The following R3HDM1 variants were observed in gnomAD, a reference collection of about 807,000 sequenced individuals.
The protein encoded by R3HDM1 is R3H domain-containing protein 1.
A neutral mutation model predicts 141.1 loss-of-function variants in R3HDM1; 46 were observed. The observed-to-expected ratio is 0.33, with a 90% CI of 0.26 to 0.42. The LOEUF (loss-of-function observed/expected upper bound fraction) is 0.42. Ranked by LOEUF, R3HDM1 falls within the 10% of genes least tolerant of loss-of-function variation. R3HDM1 has a pLI of 1.00. For synonymous variants in R3HDM1, 435 were observed against 472.9 expected, an observed-to-expected ratio of 0.92 and a Z score of 1.04; for missense variants, 1,184 against 1,368.3, an observed-to-expected ratio of 0.87 and a Z score of 2.12.
intron 16 of R3HDM1, among the ~76,000 whole-genome samples, chr2:135,647,445 A>G (rs1401471487): frequency 6.6e-6 from 1 of 152,240 alleles, no homozygotes; most frequent in East Asian, 1.9e-4. Flanking sequence ...CTGTGATTAT[A>G]TATTTCAGAT....
At chr2:135,544,990 A>G (rs1698390274) in intron 1 of R3HDM1, among the ~76,000 whole-genome samples, 1 of 152,212 alleles carries the variant, frequency 6.6e-6, no homozygotes, top group African/African-American at 2.4e-5. Context: ...GTGCTTTAGC[A>G]TGTATTTTCC....
chr2:135,541,151 TC>T (rs1445472788), intron 1 of R3HDM1, among the ~76,000 whole-genome samples: 2 of 152,292 alleles, frequency 1.3e-5, no homozygotes, highest in East Asian at 3.9e-4. Context: ...CCTAGGATTT[TC>T]AGAAGGTTAA....
intron 19 of R3HDM1, chr2:135,669,213 A>C: frequency 1.0e-6 from 1 of 985,418 alleles, no homozygotes; most frequent in Non-Finnish European, 1.2e-6. Context: ...CGGGTAGTGG[A>C]CAAACCAAGG....
chr2:135,708,292 G>A (rs542891165), intron 21 of R3HDM1, among the ~76,000 whole-genome samples: 53 of 152,036 alleles, frequency 3.5e-4, no homozygotes, highest in African/African-American at 1.0e-3. Context: ...CTTCTGCCCC[G>A]CAAATATTGC....
chr2:135,542,152 A>G (rs1051056054), intron 1 of R3HDM1, among the ~76,000 whole-genome samples: 8 of 152,210 alleles, frequency 5.3e-5, no homozygotes, highest in Admixed American at 3.3e-4. Context: ...GGAATTTTCT[A>G]CTTGTATTGT....
chr2:135,544,179 G>A (rs867055926), intron 1 of R3HDM1, among the ~76,000 whole-genome samples: 5 of 152,180 alleles, frequency 3.3e-5, no homozygotes, highest in Middle Eastern at 3.2e-3. Flanking sequence ...TCGACCTCTC[G>A]CTATAGGATT....
intron 7 of R3HDM1, among the ~76,000 whole-genome samples, chr2:135,624,734 A>G (rs1316865842): frequency 6.6e-6 from 1 of 152,236 alleles, no homozygotes; most frequent in African/African-American, 2.4e-5. Context: ...TGGAAAGATT[A>G]CTTTGGTGTT....
chr2:135,546,943 A>G (rs1006661468), intron 1 of R3HDM1, among the ~76,000 whole-genome samples: 2 of 152,190 alleles, frequency 1.3e-5, no homozygotes, highest in Non-Finnish European at 2.9e-5. Context: ...AAATGTTGGG[A>G]TTACAGCCAT....
chr2:135,620,756 G>A, intron 5 of R3HDM1: 1 of 661,122 alleles, frequency 1.5e-6, no homozygotes, highest in Non-Finnish European at 1.9e-6. Flanking sequence ...TGCCTTTTCT[G>A]TGTGGATTAA....
chr2:135,558,962 A>T (rs1294988780), intron 1 of R3HDM1: 2 of 939,526 alleles, frequency 2.1e-6, no homozygotes, highest in Non-Finnish European at 2.5e-6. Context: ...TTAAAGGGTT[A>T]CTACTTTTTA....
Position 135,621,476 on chromosome 2 carries a change from G to A in R3HDM1, c.304-18G>A, listed in dbSNP as rs758943380. The A allele has an allele frequency of 6.9e-7, 1 of 1,452,016 alleles. No homozygotes were observed. Among genetic ancestry groups the A allele is most frequent in the East Asian group, 2.3e-5 (1 of 43,570 alleles). 89.9% of individuals were successfully genotyped at this position (1,452,016 alleles called of 1,614,324 possible). ...TGTATTGTATTTTCATTGAATAATT[G>A]ACTTTGCCTTCCAACAGGAGAAAAT... On this transcript the variant is annotated intron_variant, in intron 5 of 26. Coordinates refer to ENST00000683871, the MANE Select transcript of R3HDM1 (RefSeq NM_001378107.1).
chr2:135,675,494 GT>G lies in R3HDM1; in HGVS notation c.2307+9del. 1 of 1,607,772 alleles carries G rather than the reference GT, an allele frequency of 6.2e-7. No individual in the cohort carries two copies. The highest frequency in any genetic ancestry group is 8.5e-7 in the Non-Finnish European group (1 of 1,175,430). On this transcript the variant is annotated intron_variant, in intron 20 of 26. Coordinates refer to ENST00000683871, the MANE Select transcript of R3HDM1 (RefSeq NM_001378107.1). ...TCAGTGCCAACATATCAGGTATATT[GT>G]CTCTTTTATGTACTTTGGGTAGAGA... is the stretch of plus-strand genomic sequence containing the variant.
At chr2:135,614,746 C>A (rs969543880) in intron 3 of R3HDM1, among the ~76,000 whole-genome samples, 2 of 151,978 alleles carry the variant, frequency 1.3e-5, no homozygotes, top group African/African-American at 4.8e-5. Flanking sequence ...AATTATTTTC[C>A]CTTCTGCTTC....
intron 17 of R3HDM1, chr2:135,650,562 C>G (rs747851291): frequency 6.6e-5 from 65 of 982,598 alleles, no homozygotes; most frequent in Non-Finnish European, 7.9e-5. Context: ...CAAGGTGACT[C>G]TGAGAGTGGT....
In R3HDM1 at chr2:135,668,977, G is replaced by A. The variant is rs563201082; in HGVS notation, c.2153-6355G>A. On this transcript the variant is annotated intron_variant, in intron 19 of 26. Transcript: ENST00000683871. Reference sequence around the variant, plus strand: ...TACTCAGGCTGAGAGACAGAACTGTGGGATGTGGAACCTGAAATAGTGTCA... The same window carrying A: ...TACTCAGGCTGAGAGACAGAACTGTAGGATGTGGAACCTGAAATAGTGTCA... 6 of 245,388 alleles carry A rather than the reference G, an allele frequency of 2.4e-5. No homozygotes were observed. The East Asian group carries it at 7.2e-4, about 29-fold the overall frequency. 15.2% of individuals were successfully genotyped at this position (245,388 alleles called of 1,614,324 possible).
chr2:135,593,420 G>GAGTTACATT, intron 1 of R3HDM1, among the ~76,000 whole-genome samples: 1 of 152,182 alleles, frequency 6.6e-6, no homozygotes, highest in East Asian at 1.9e-4. Context: ...TTCAGGTTTA[G>GAGTTACATT]AGTTACATTA....
chr2:135,671,674 T>C (rs2105333712), intron 19 of R3HDM1, among the ~76,000 whole-genome samples: 1 of 152,002 alleles, frequency 6.6e-6, no homozygotes, highest in South Asian at 2.1e-4. Flanking sequence ...GGCCCAATGT[T>C]ACCTAAAAAT....
intron 14 of R3HDM1, 118 bp downstream of exon 14, chr2:135,639,240 T>A: frequency 1.0e-6 from 1 of 952,560 alleles, no homozygotes; most frequent in Admixed American, 2.6e-5. Context: ...CTATCAATAG[T>A]ACCTTGACCA....
chr2:135,558,067 A>G (rs980320392), intron 1 of R3HDM1, among the ~76,000 whole-genome samples: 2 of 152,242 alleles, frequency 1.3e-5, no homozygotes, highest in Admixed American at 6.5e-5. Context: ...AACATTAGAA[A>G]TATCGAGTTA....
Sources: allele counts gnomAD v4.1 joint callset (sites outside exome capture counted in the v4.1 genomes callset), GRCh38; gene constraint gnomAD v4.1.1; transcripts MANE v1.5; gene names NCBI Gene and HGNC (gene_info 2026-07-23, HGNC 2026-07-21).